The following CADM2 variants were observed in gnomAD, a reference collection of about 807,000 sequenced individuals.
CADM2 encodes cell adhesion molecule 2.
In CADM2, 12 loss-of-function variants were observed where a neutral mutation model predicts 49.8. The ratio of observed to expected loss-of-function variants is 0.24; its 90% confidence interval spans 0.15 to 0.39. The LOEUF (loss-of-function observed/expected upper bound fraction) is 0.39. CADM2 is among the 10% of genes least tolerant of loss of function. The probability of loss-of-function intolerance (pLI) is 1.00; values close to 1 mark genes in which losing one functional copy is unlikely to be tolerated. For missense variants in CADM2, 378 were observed against 492.3 expected (o/e 0.77, Z 2.20); for synonymous variants, 214 against 175.4 (o/e 1.22, Z -1.74).
chr3:85,969,984 TATACACTC>T (rs771656061), intron 8 of CADM2, among the ~76,000 whole-genome samples: 1,087 of 19,178 alleles, frequency 0.057, 11 homozygotes, highest in African/African-American at 0.36. Flanking sequence ...TATATATATA[TATACACTC>T]ATACACTCAC....
chr3:86,005,848 C>T (rs948182358), intron 8 of CADM2, among the ~76,000 whole-genome samples: 4 of 152,256 alleles, frequency 2.6e-5, no homozygotes, highest in African/African-American at 7.2e-5. Context: ...ACTACCCTCA[C>T]CTCCCCCGCA....
At chr3:85,636,412 T>C (rs1043070605) in intron 1 of CADM2, among the ~76,000 whole-genome samples, 1 of 152,166 alleles carries the variant, frequency 6.6e-6, no homozygotes, top group South Asian at 2.1e-4. Context: ...GAAAATAGTT[T>C]GTACAGTTTA....
chr3:85,224,468 T>C (rs116696771), intron 1 of CADM2, among the ~76,000 whole-genome samples: 9,630 of 152,192 alleles, frequency 0.063, 1,007 homozygotes, highest in African/African-American at 0.22. Context: ...TCCTTGTAAA[T>C]TTGTTTAAGT....
chr3:85,143,663 A>G (rs912754398), intron 1 of CADM2, among the ~76,000 whole-genome samples: 5 of 152,216 alleles, frequency 3.3e-5, no homozygotes, highest in Non-Finnish European at 7.3e-5. Context: ...ATTTCAAGAT[A>G]AATTTAAGGG....
intron 1 of CADM2, among the ~76,000 whole-genome samples, chr3:85,696,744 T>C (rs924306783): frequency 1.3e-5 from 2 of 151,956 alleles, no homozygotes; most frequent in Admixed American, 6.6e-5. Flanking sequence ...CTTATAATAA[T>C]AGGCTTGGTA....
intron 2 of CADM2, among the ~76,000 whole-genome samples, chr3:85,764,874 A>G (rs2069580872): frequency 6.6e-6 from 1 of 152,096 alleles, no homozygotes. Context: ...TTATAAATGG[A>G]TAAACCAAGG....
chr3:86,000,513 T>C (rs1404763352), intron 8 of CADM2, among the ~76,000 whole-genome samples: 1 of 152,122 alleles, frequency 6.6e-6, no homozygotes, highest in Non-Finnish European at 1.5e-5. Flanking sequence ...TATAGAGTTC[T>C]CTGATTTGCT....
intron 1 of CADM2, among the ~76,000 whole-genome samples, chr3:85,130,849 T>A (rs1222826442): frequency 6.6e-6 from 1 of 152,216 alleles, no homozygotes; most frequent in East Asian, 1.9e-4. Context: ...TAATTTGTCA[T>A]AATTTTCATA....
At chr3:85,713,718 G>T (rs1012510214) in intron 1 of CADM2, among the ~76,000 whole-genome samples, 4 of 152,080 alleles carry the variant, frequency 2.6e-5, no homozygotes, top group Non-Finnish European at 5.9e-5. Context: ...CACATCTAAA[G>T]AATTTAAATA....
At chr3:85,779,458 AG>A (rs2070524458) in intron 2 of CADM2, among the ~76,000 whole-genome samples, 1 of 152,164 alleles carries the variant, frequency 6.6e-6, no homozygotes, top group Non-Finnish European at 1.5e-5. Flanking sequence ...CATGGTCGGG[AG>A]GCCTCAGGAA....
chr3:85,657,875 A>C (rs1010628853), intron 1 of CADM2, among the ~76,000 whole-genome samples: 1 of 151,584 alleles, frequency 6.6e-6, no homozygotes, highest in Non-Finnish European at 1.5e-5. Context: ...GAAAGAGTGT[A>C]ATTGCAGATG....
At chr3:85,135,166 C>CA (rs2039376855) in intron 1 of CADM2, among the ~76,000 whole-genome samples, 2 of 151,566 alleles carry the variant, frequency 1.3e-5, no homozygotes, top group Non-Finnish European at 3.0e-5. Flanking sequence ...TATAAGCAAA[C>CA]AAAAACATTT....
chr3:85,350,762 C>T (rs891331029), intron 1 of CADM2, among the ~76,000 whole-genome samples: 3 of 150,274 alleles, frequency 2.0e-5, no homozygotes, highest in African/African-American at 4.9e-5. Flanking sequence ...GGGTTATTAA[C>T]GAAAAAAAAA....
intron 1 of CADM2, among the ~76,000 whole-genome samples, chr3:85,206,098 T>G (rs1411921091): frequency 6.6e-6 from 1 of 152,002 alleles, no homozygotes; most frequent in Admixed American, 6.6e-5. Context: ...AAACTGTTTT[T>G]CAGTTCTGGC....
intron 1 of CADM2, among the ~76,000 whole-genome samples, chr3:85,682,906 T>C (rs1336920687): frequency 6.6e-6 from 1 of 152,090 alleles, no homozygotes; most frequent in Admixed American, 6.5e-5. Context: ...AGGAAATAAA[T>C]GTATCTTCAG....
intron 3 of CADM2, among the ~76,000 whole-genome samples, chr3:85,880,245 G>T (rs1434603178): frequency 6.6e-6 from 1 of 152,078 alleles, no homozygotes; most frequent in Non-Finnish European, 1.5e-5. Context: ...CTTCCACTAG[G>T]TATCTTTGCC....
chr3:85,832,575 A>T (rs11915638), intron 3 of CADM2, among the ~76,000 whole-genome samples: 1 of 151,464 alleles, frequency 6.6e-6, no homozygotes, highest in East Asian at 2.0e-4. Flanking sequence ...GGTATCATGC[A>T]TGGGATCATG....
chr3:85,602,382 G>A (rs555044902), intron 1 of CADM2, among the ~76,000 whole-genome samples: 3 of 151,734 alleles, frequency 2.0e-5, no homozygotes, highest in South Asian at 4.1e-4. Flanking sequence ...CATTTTGAAC[G>A]AAGTAACTAA....
intron 1 of CADM2, among the ~76,000 whole-genome samples, chr3:85,445,212 TA>T (rs2037390554): frequency 6.6e-6 from 1 of 152,100 alleles, no homozygotes; most frequent in Admixed American, 6.6e-5. Flanking sequence ...AATGAAAATT[TA>T]AAACACCCTG....
Sources: allele counts gnomAD v4.1 joint callset (sites outside exome capture counted in the v4.1 genomes callset), GRCh38; gene constraint gnomAD v4.1.1; transcripts MANE v1.5; gene names NCBI Gene and HGNC (gene_info 2026-07-23, HGNC 2026-07-21).